SCRG1: variants seen among roughly 807,000 people sequenced by gnomAD.
SCRG1 encodes the protein stimulator of chondrogenesis 1.
In SCRG1, 3 loss-of-function variants were observed where a neutral mutation model predicts 7.7. The ratio of observed to expected loss-of-function variants is 0.39; its 90% CI spans 0.18 to 1.01. The LOEUF (loss-of-function observed/expected upper bound fraction) is 1.01. SCRG1 is among the 50% of genes least tolerant of loss of function. The probability of loss-of-function intolerance (pLI) is 0.36; values close to 1 mark genes in which losing one functional copy is unlikely to be tolerated. For synonymous variants in SCRG1, 46 were observed against 41.2 expected (o/e 1.12, Z -0.44); for missense variants, 110 against 117.2 (o/e 0.94, Z 0.28).
chr4:173,500,373 G>T, the SCRG1 span, among the ~76,000 whole-genome samples: 1 of 152,206 alleles, frequency 6.6e-6, no homozygotes, highest in African/African-American at 2.4e-5. Context: ...ACCCCTGTTC[G>T]CCGGGGAGTG....
At chr4:173,393,261 C>A (rs1400347162) in intron 1 of SCRG1, among the ~76,000 whole-genome samples, 1 of 152,036 alleles carries the variant, frequency 6.6e-6, no homozygotes. Flanking sequence ...TTTCTTCATA[C>A]TCCTAAGAGT....
chr4:173,440,190 G>C, the SCRG1 span, among the ~76,000 whole-genome samples: 8 of 152,130 alleles, frequency 5.3e-5, no homozygotes, highest in African/African-American at 1.9e-4. Context: ...TATGTTTACC[G>C]TAAAGAATTT....
chr4:173,472,768 G>T, the SCRG1 span, among the ~76,000 whole-genome samples: 1 of 152,120 alleles, frequency 6.6e-6, no homozygotes, highest in Admixed American at 6.5e-5. Flanking sequence ...TTTTTGCTGA[G>T]AATGTTAATC....
the SCRG1 span, among the ~76,000 whole-genome samples, chr4:173,463,195 TA>T: frequency 6.6e-6 from 1 of 152,240 alleles, no homozygotes; most frequent in African/African-American, 2.4e-5. Flanking sequence ...GGTGTAGGAA[TA>T]AGGTTGAAGA....
intron 1 of SCRG1, among the ~76,000 whole-genome samples, chr4:173,395,871 A>T (rs1361983449): frequency 1.3e-5 from 2 of 152,224 alleles, no homozygotes; most frequent in African/African-American, 2.4e-5. Flanking sequence ...AAGAAGGAAG[A>T]TTGGGAACAA....
chr4:173,397,508 T>C (rs1739639734), intron 1 of SCRG1, among the ~76,000 whole-genome samples: 1 of 152,220 alleles, frequency 6.6e-6, no homozygotes, highest in Non-Finnish European at 1.5e-5. Flanking sequence ...TGTTGTATGA[T>C]ACCATTTATA....
At chr4:173,518,362 A>T in the SCRG1 span, among the ~76,000 whole-genome samples, 1 of 152,214 alleles carries the variant, frequency 6.6e-6, no homozygotes, top group Non-Finnish European at 1.5e-5. Flanking sequence ...GTAGGCAGGG[A>T]ACCCGGAGCA....
chr4:173,483,952 A>C, the SCRG1 span, among the ~76,000 whole-genome samples: 2 of 87,506 alleles, frequency 2.3e-5, no homozygotes, highest in Non-Finnish European at 3.9e-5. Context: ...AATCATATAT[A>C]ATATATTATA....
the SCRG1 span, among the ~76,000 whole-genome samples, chr4:173,449,628 C>T: frequency 7.2e-5 from 11 of 152,142 alleles, no homozygotes; most frequent in African/African-American, 2.7e-4. Context: ...ATTACACCTC[C>T]TACCTGATCT....
chr4:173,433,277 T>C, the SCRG1 span, among the ~76,000 whole-genome samples: 1 of 152,186 alleles, frequency 6.6e-6, no homozygotes, highest in African/African-American at 2.4e-5. Flanking sequence ...ATAAAGCAAG[T>C]TCCTTTACTG....
chr4:173,496,892 G>A, the SCRG1 span, among the ~76,000 whole-genome samples: 2 of 152,186 alleles, frequency 1.3e-5, no homozygotes, highest in African/African-American at 4.8e-5. Context: ...GGATCACAAG[G>A]TCAGGAGATC....
upstream of SCRG1, among the ~76,000 whole-genome samples, chr4:173,408,933 A>G (rs1475853854): frequency 1.4e-5 from 2 of 144,630 alleles, no homozygotes; most frequent in African/African-American, 2.6e-5. Flanking sequence ...CAGAGCTTGC[A>G]GTGAGCCGAG....
chr4:173,495,733 T>A, the SCRG1 span, among the ~76,000 whole-genome samples: 3 of 152,228 alleles, frequency 2.0e-5, no homozygotes, highest in Admixed American at 1.3e-4. Context: ...ATGTATTCAA[T>A]TCTGTGTCAT....
At chr4:173,492,157 G>C in the SCRG1 span, among the ~76,000 whole-genome samples, 1 of 151,884 alleles carries the variant, frequency 6.6e-6, no homozygotes, top group Non-Finnish European at 1.5e-5. Flanking sequence ...ATAAAAAAAA[G>C]AGGACAATAT....
upstream of SCRG1, among the ~76,000 whole-genome samples, chr4:173,407,788 A>G (rs1227562321): frequency 6.6e-6 from 1 of 152,218 alleles, no homozygotes; most frequent in East Asian, 1.9e-4. Flanking sequence ...TATTTTATGG[A>G]ATAAGATAAC....
chr4:173,461,254 AGGCCTT>A, the SCRG1 span, among the ~76,000 whole-genome samples: 28 of 152,210 alleles, frequency 1.8e-4, no homozygotes, highest in Non-Finnish European at 2.1e-4. Context: ...TGGTTATAGC[AGGCCTT>A]GGGTGAGACC....
the SCRG1 span, among the ~76,000 whole-genome samples, chr4:173,425,983 G>A: frequency 6.6e-6 from 1 of 152,220 alleles, no homozygotes; most frequent in Non-Finnish European, 1.5e-5. Flanking sequence ...TCATGCCCAT[G>A]CCATGGGGGG....
the SCRG1 span, among the ~76,000 whole-genome samples, chr4:173,414,839 C>T: frequency 1.3e-5 from 2 of 152,200 alleles, no homozygotes; most frequent in Non-Finnish European, 2.9e-5. Flanking sequence ...TCTTAGTTTT[C>T]TCCTCCCTAG....
At position 173,386,554 on chromosome 4, in the gene SCRG1, T is replaced by C. The variant is rs1433882687; in HGVS notation, c.*1787A>G. The C allele has an allele frequency of 6.6e-6, 1 of 152,160 alleles. No individual in the cohort carries two copies. The highest frequency in any genetic ancestry group is 2.4e-5 in the African/African-American group (1 of 41,428). The allele number at this position is 152,160 out of a possible 1,614,324, so 9.4% of individuals were successfully genotyped here. On this transcript the variant is annotated 3_prime_UTR_variant, in exon 3 of 3. Transcript: ENST00000296506. ...ATTAGATACCAGACACTGTTTTGGGTGTGGTCTTTCAGCCCAGTAACACTT... is the reference window on the plus strand; with the variant it reads ...ATTAGATACCAGACACTGTTTTGGGCGTGGTCTTTCAGCCCAGTAACACTT...
Sources: allele counts gnomAD v4.1 joint callset (sites outside exome capture counted in the v4.1 genomes callset), GRCh38; gene constraint gnomAD v4.1.1; transcripts MANE v1.5; gene names NCBI Gene and HGNC (gene_info 2026-07-23, HGNC 2026-07-21).